The following PI4KA variants were observed in gnomAD, a reference collection of about 807,000 sequenced individuals.
The protein encoded by PI4KA is phosphatidylinositol 4-kinase alpha.
In PI4KA, 122 loss-of-function variants were observed where a neutral mutation model predicts 271.4. That is an observed-to-expected ratio of 0.45 (90% confidence interval 0.39 to 0.52). The LOEUF (loss-of-function observed/expected upper bound fraction) is 0.52, where lower values mean the gene tolerates loss of function less well. Ranked by LOEUF, PI4KA falls within the 20% of genes least tolerant of loss-of-function variation. The pLI is 0.00. For missense variants in PI4KA, 1,969 were observed against 2,769.1 expected (o/e 0.71, Z 6.48); for synonymous variants, 1,041 against 1,078.8 (o/e 0.96, Z 0.69).
chr22:20,793,973 C>T (rs995689234), intron 18 of PI4KA, among the ~76,000 whole-genome samples: 2 of 152,224 alleles, frequency 1.3e-5, no homozygotes, highest in Non-Finnish European at 2.9e-5. Context: ...GTGCTCAGTG[C>T]TTCGCATGCA....
In PI4KA at chr22:20,729,932, G is replaced by C; in HGVS notation, c.4368C>G (p.Tyr1456Ter). The change falls in exon 37 of 55, where the codon TAC (tyrosine) becomes TAG (stop). Residue 1456 changes from tyrosine (Y) to a stop codon, truncating the protein, a stop_gained. Coordinates refer to ENST00000255882, the MANE Select transcript of PI4KA (RefSeq NM_058004.4). LOFTEE classifies it high-confidence loss of function. ...QQATQGWINTYPLSSGMSTIS... is the reference protein window; with the variant it reads ...QQATQGWINT ...TGGTGGACATGCCGCTGGACAGGGG[G>C]TATGTGTTGATCCAGCCTTGGGTGG... The C allele has an allele frequency of 6.2e-7, 1 of 1,614,212 alleles. No homozygotes were observed. Among genetic ancestry groups the C allele is most frequent in the Non-Finnish European group, 8.5e-7 (1 of 1,180,020 alleles).
In PI4KA at chr22:20,744,998, G is replaced by A. The variant is rs143917500; in HGVS notation, c.3364-278C>T. Among the ~76,000 whole-genome samples the A allele has an allele frequency of 3.3e-3, 508 of 152,282 alleles. 4 individuals carry two copies. The highest frequency in any genetic ancestry group is 0.012 in the African/African-American group (485 of 41,548). On this transcript the variant is annotated intron_variant, in intron 29 of 54. Transcript: ENST00000255882. ...GAAAAAGAATCACTAGATTGTGAGAGCAATGTCACCTGTGATGGAAACGCC... is the reference window on the plus strand; with the variant it reads ...GAAAAAGAATCACTAGATTGTGAGAACAATGTCACCTGTGATGGAAACGCC...
chr22:20,747,593 G>C lies in PI4KA; in HGVS notation c.3353C>G (p.Thr1118Arg). 6.2e-7 allele frequency: 1 copy of C among 1,614,064 alleles called. No homozygotes were observed. The highest frequency in any genetic ancestry group is 1.7e-5 in the Admixed American group (1 of 60,002). The change falls in exon 29 of 55, where the codon ACA (threonine) becomes AGA (arginine). Residue 1118 changes from threonine (T) to arginine (R), a missense_variant. Physicochemically the swap from Thr to Arg is moderately conservative, Grantham distance 71. Around this residue, in one of 13 missense-constraint regions of PI4KA, gnomAD observed 203 missense variants for 256.8 expected, o/e 0.79. Transcript: ENST00000255882. The stretch of plus-strand genomic sequence containing the variant: ...AAGGCTCGCACATACCCCAAGAGTT[G>C]TGTTCTGCTTGTTGTAGCCAGCAAA... Reference protein sequence around the residue: ...LHFAGYNKQNTTLGATQLSER... With the variant: ...LHFAGYNKQNRTLGATQLSER...
At chr22:20,766,373 G>T (rs1275893337) in intron 19 of PI4KA, among the ~76,000 whole-genome samples, 4 of 152,070 alleles carry the variant, frequency 2.6e-5, no homozygotes, top group Non-Finnish European at 5.9e-5. Context: ...GGTATAAATG[G>T]CTAAACTTGG....
At chr22:20,740,339 G>T (rs1182769580) in intron 32 of PI4KA, among the ~76,000 whole-genome samples, 4 of 150,986 alleles carry the variant, frequency 2.6e-5, no homozygotes, top group African/African-American at 4.9e-5. Context: ...GAATGTCGAT[G>T]ATCTATGGGA....
rs117131703 is a variant in PI4KA, at chr22:20,802,923, G to A, written c.1591+268C>T. Among the ~76,000 whole-genome samples, 892 of 152,244 alleles carry A rather than the reference G, an allele frequency of 5.9e-3. 8 individuals are homozygous for A. The highest frequency in any genetic ancestry group is 0.055 in the East Asian group (284 of 5,184). The stretch of plus-strand genomic sequence containing the variant: ...CTGGGCCCCTGGCTAAGTGTTTGGG[G>A]CACACAGGATTTGCATTTCAGACTT... On this transcript the variant is annotated intron_variant, in intron 13 of 54. Transcript: ENST00000255882.
chr22:20,727,452 A>G, intron 40 of PI4KA, 55 bp from the exon 41 acceptor site: 2 of 1,484,398 alleles, frequency 1.3e-6, no homozygotes, highest in East Asian at 4.7e-5. Flanking sequence ...ACCTCTGGAA[A>G]TACCTGGTCC....
At chr22:20,715,326 C>T (rs570806693) in intron 45 of PI4KA, among the ~76,000 whole-genome samples, 37 of 152,068 alleles carry the variant, frequency 2.4e-4, no homozygotes, top group African/African-American at 8.4e-4. Flanking sequence ...CTGTCTTGGC[C>T]TCCCAAGTGC....
intron 19 of PI4KA, among the ~76,000 whole-genome samples, chr22:20,777,632 G>C (rs995895878): frequency 1.3e-5 from 2 of 152,216 alleles, no homozygotes; most frequent in Admixed American, 6.5e-5. Flanking sequence ...GATTATAGGC[G>C]TAAGCCACAG....
At chr22:20,815,551 C>G (rs890306455) in intron 7 of PI4KA, among the ~76,000 whole-genome samples, 9 of 152,164 alleles carry the variant, frequency 5.9e-5, no homozygotes, top group African/African-American at 1.9e-4. Flanking sequence ...TTTAGTTTAG[C>G]TCCAGTTGTG....
intron 19 of PI4KA, among the ~76,000 whole-genome samples, chr22:20,774,477 G>C (rs546281587): frequency 6.6e-6 from 1 of 152,270 alleles, no homozygotes; most frequent in South Asian, 2.1e-4. Context: ...TTAAAGGTTA[G>C]AGGGGCCGGG....
chr22:20,834,430 C>T, intron 3 of PI4KA, 132 bp downstream of exon 3: 1 of 693,278 alleles, frequency 1.4e-6, no homozygotes, highest in Non-Finnish European at 2.6e-6. Context: ...CACAATGCTG[C>T]AGGCAGTTGT....
chr22:20,819,998 C>T lies in PI4KA; in HGVS notation c.530-98G>A, dbSNP rs1922419353. ...TAACATTGACTAAGATTTCACAACC[C>T]ACCCACTAATAACTGTGAAGGTTCA... On this transcript the variant is annotated intron_variant, in intron 5 of 54. Transcript: ENST00000255882. The T allele has an allele frequency of 3.8e-6, 4 of 1,055,228 alleles. No homozygotes were observed. The South Asian group carries it at 4.5e-5, about 12-fold the overall frequency. 65.4% of individuals were successfully genotyped at this position (1,055,228 alleles called of 1,614,324 possible). A position where few individuals can be genotyped will look rare whatever the true frequency, so the allele number is the denominator to read the frequency against.
chr22:20,726,974 G>A (rs905445022), intron 41 of PI4KA, among the ~76,000 whole-genome samples: 3 of 152,094 alleles, frequency 2.0e-5, no homozygotes, highest in African/African-American at 7.2e-5. Context: ...CTGCCGCGCC[G>A]CCTCGTAATC....
intron 18 of PI4KA, among the ~76,000 whole-genome samples, 197 bp downstream of exon 18, chr22:20,795,949 G>A (rs776428700): frequency 6.6e-6 from 1 of 152,160 alleles, no homozygotes; most frequent in South Asian, 2.1e-4. Flanking sequence ...ATAACCCAGT[G>A]AGAAAACTGC....
intron 19 of PI4KA, among the ~76,000 whole-genome samples, chr22:20,771,187 G>A (rs1932856468): frequency 6.6e-6 from 1 of 152,026 alleles, no homozygotes; most frequent in Admixed American, 6.5e-5. Flanking sequence ...CACTTTGGGA[G>A]GCCGATGCGG....
Position 20,765,668 on chromosome 22 carries a change from T to C in PI4KA, c.2354A>G (p.Lys785Arg). ...CTTCTGTAACCGAGGCTTAGCTTCT[T>C]TGATGGGTGGCAGTCGTCGGGTGAG... ...AVLTRRLPPI[K>R]EAKPRLQKLF... The change falls in exon 20 of 55, where the codon AAA (lysine) becomes AGA (arginine). Residue 785 changes from lysine to arginine, a missense_variant. Transcript: ENST00000255882. 7.4e-6 allele frequency: 12 copies of C among 1,611,202 alleles called. No individual in the cohort carries two copies. The highest frequency in any genetic ancestry group is 1.0e-5 in the Non-Finnish European group (12 of 1,177,662).
At chr22:20,848,396 C>CA (rs1180297760) in intron 1 of PI4KA, among the ~76,000 whole-genome samples, 3 of 151,964 alleles carry the variant, frequency 2.0e-5, no homozygotes, top group African/African-American at 7.3e-5. Context: ...CCCAGAATAA[C>CA]AAAAACAATC....
chr22:20,780,212 C>A (rs780265825), intron 19 of PI4KA: 1 of 1,614,086 alleles, frequency 6.2e-7, no homozygotes, highest in African/African-American at 1.3e-5. Context: ...GTAAGAGGCA[C>A]CTTTACAGTT....
Sources: gnomAD v4.1 joint callset for allele counts (sites outside exome capture counted in the v4.1 genomes callset) on GRCh38, gnomAD v4.1.1 for gene constraint, gnomAD v4.1.1 regional missense constraint, MANE v1.5 for transcripts, NCBI Gene and HGNC (gene_info 2026-07-23, HGNC 2026-07-21) for gene names.